SLC28A2: variants seen among roughly 807,000 people sequenced by gnomAD.
The protein encoded by SLC28A2 is sodium/nucleoside cotransporter 2.
Under a neutral mutation model 72.9 loss-of-function variants are expected in SLC28A2, and 69 were observed. The ratio of observed to expected loss-of-function variants is 0.95; its 90% CI spans 0.78 to 1.16. The LOEUF (loss-of-function observed/expected upper bound fraction) is 1.16, where lower values mean the gene tolerates loss of function less well. Ranked by LOEUF, SLC28A2 falls within the 50% of genes most tolerant of loss-of-function variation. SLC28A2 has a pLI of 0.00. For missense variants in SLC28A2, 745 were observed against 791.1 expected (o/e 0.94, Z 0.70); for synonymous variants, 296 against 294.1 (o/e 1.01, Z -0.07).
chr15:45,253,351 T>G, intron 2 of SLC28A2, 55 bp downstream of exon 2: 1 of 1,555,802 alleles, frequency 6.4e-7, no homozygotes. Flanking sequence ...CATGGGCTCC[T>G]GTAGGGTATT....
chr15:45,252,522 T>C (rs1264775263), intron 1 of SLC28A2, among the ~76,000 whole-genome samples: 1 of 152,268 alleles, frequency 6.6e-6, no homozygotes, highest in African/African-American at 2.4e-5. Context: ...AATGAACTTA[T>C]ATTCTAATTG....
Position 45,253,501 on chromosome 15 carries a change from G to C in SLC28A2, c.151G>C (p.Gly51Arg), listed in dbSNP as rs751139417. The C allele has an allele frequency of 3.7e-6, 6 of 1,612,550 alleles. No homozygotes were observed. Among genetic ancestry groups the C allele is most frequent in the Non-Finnish European group, 5.1e-6 (6 of 1,179,014 alleles). The change falls in exon 3 of 18, where the codon GGC (glycine) becomes CGC (arginine). Residue 51 changes from glycine (G) to arginine (R), a missense_variant. By Grantham distance (125) the Gly-to-Arg change is moderately radical. Coordinates refer to ENST00000347644, the MANE Select transcript of SLC28A2 (RefSeq NM_004212.4). ...AGGACACAGCCTGGGGGATGGACTG[G>C]GCCCTTCCACTTACCAGAGGTACTG... is the stretch of plus-strand genomic sequence containing the variant. ...AQGHSLGDGLGPSTYQRRSRW... is the reference protein window; with the variant it reads ...AQGHSLGDGLRPSTYQRRSRW...
intron 3 of SLC28A2, among the ~76,000 whole-genome samples, chr15:45,257,971 C>T (rs1900023308): frequency 6.6e-6 from 1 of 152,186 alleles, no homozygotes; most frequent in Admixed American, 6.5e-5. Flanking sequence ...TGCCTGTAAT[C>T]CCAGCATTTT....
intron 12 of SLC28A2, 122 bp from the exon 13 acceptor site, chr15:45,268,088 G>A: frequency 1.1e-6 from 1 of 923,710 alleles, no homozygotes; most frequent in Non-Finnish European, 1.6e-6. Flanking sequence ...AGGAACCCCT[G>A]TCACCTTCTA....
chr15:45,275,370 T>C (rs17222078), intron 17 of SLC28A2, 26 bp from the exon 18 acceptor site: 84,741 of 1,356,238 alleles, frequency 0.062, 3,259 homozygotes, highest in Non-Finnish European at 0.078. Flanking sequence ...TGACCCCTTA[T>C]GTACCTCTCT....
Position 45,266,128 on chromosome 15 carries a change from CCTGG to C in SLC28A2, c.913_916del (p.Ala305TrpfsTer9). The C allele has an allele frequency of 6.2e-7, 1 of 1,613,766 alleles. No homozygotes were observed. Among genetic ancestry groups the C allele is most frequent in the South Asian group, 1.1e-5 (1 of 91,064 alleles). On this transcript the variant is annotated frameshift_variant, in exon 10 of 18. Transcript: ENST00000347644. LOFTEE classifies it high-confidence loss of function. Reference sequence around the variant, plus strand: ...CTATGGGCACCACTGCTACAGAGACCCTGGCTGTGGCAGGAAACATCTTTGTGGG... The same window carrying C: ...CTATGGGCACCACTGCTACAGAGACCCTGTGGCAGGAAACATCTTTGTGGG...
At chr15:45,269,030 G>T (rs1389379545) in intron 13 of SLC28A2, among the ~76,000 whole-genome samples, 1 of 109,482 alleles carries the variant, frequency 9.1e-6, no homozygotes, top group Non-Finnish European at 1.8e-5. Context: ...GGTGGGGGGA[G>T]GGGGGAGGGA....
Position 45,272,713 on chromosome 15 carries a change from C to T in SLC28A2, c.1788C>T (p.Val596=), listed in dbSNP as rs749961857. 1 of 1,612,648 alleles carries T rather than the reference C, an allele frequency of 6.2e-7. No individual in the cohort carries two copies. Among genetic ancestry groups the T allele is most frequent in the Non-Finnish European group, 8.5e-7 (1 of 1,178,680 alleles). The change falls in exon 17 of 18, where the codon GTC becomes GTT. Residue 596 remains valine, a synonymous_variant. Coordinates refer to ENST00000347644, the MANE Select transcript of SLC28A2 (RefSeq NM_004212.4). ...CCAGGGGAGCTGAAGCTGACTGTGT[C>T]TCCTTCCCAAACACAAGTTTCACCA... The part of the protein sequence containing the change: ...YVPRGAEADC[V]SFPNTSFTNR...
intron 3 of SLC28A2, among the ~76,000 whole-genome samples, chr15:45,258,469 A>G (rs1300853788): frequency 6.6e-6 from 1 of 152,162 alleles, no homozygotes; most frequent in African/African-American, 2.4e-5. Context: ...TGTACCCAAG[A>G]ACCATTTTAT....
chr15:45,268,812 A>G lies in SLC28A2; in HGVS notation c.1368+434A>G, dbSNP rs1651254664. On this transcript the variant is annotated intron_variant, in intron 13 of 17. Coordinates refer to ENST00000347644, the MANE Select transcript of SLC28A2 (RefSeq NM_004212.4). The stretch of plus-strand genomic sequence containing the variant: ...ACTGGATTAAGAAAATGTGGCATAT[A>G]TACACCATGGAATACTATGCAGCCA... Among the ~76,000 whole-genome samples the G allele has an allele frequency of 4.6e-5, 7 of 152,268 alleles. No homozygotes were observed. The South Asian group carries it at 1.5e-3, about 32-fold the overall frequency.
At chr15:45,252,688 C>A (rs1463680315) in intron 1 of SLC28A2, among the ~76,000 whole-genome samples, 2 of 152,128 alleles carry the variant, frequency 1.3e-5, no homozygotes, top group Non-Finnish European at 2.9e-5. Flanking sequence ...CATAAAAAAC[C>A]AATTCTTATG....
At position 45,265,115 on chromosome 15, in the gene SLC28A2, C is replaced by T; in HGVS notation, c.729C>T (p.Gly243=). The stretch of plus-strand genomic sequence containing the variant: ...TTTTCCTGAACTACACTGTGGCCGG[C>T]TCCAGTTTTGTCTTTGGGGATACAC... ...VQIFLNYTVA[G]SSFVFGDTLV... is the part of the protein sequence containing the mutation. The change falls in exon 8 of 18, where the codon GGC becomes GGT. Residue 243 remains glycine (G), a synonymous_variant. Transcript: ENST00000347644. The T allele has an allele frequency of 6.2e-7, 1 of 1,613,066 alleles. No homozygotes were observed. The highest frequency in any genetic ancestry group is 8.5e-7 in the Non-Finnish European group (1 of 1,179,098).
In SLC28A2 at chr15:45,262,113, T is replaced by A. The variant is rs1900180678; in HGVS notation, c.262+7T>A. ...TTGGGCCTGTTGTGTTTGGGTGAGA[T>A]ATTGAGAATTCATGAAAGTGAGAAA... On this transcript the variant is annotated splice_region_variant and intron_variant, in intron 4 of 17. Coordinates refer to ENST00000347644, the MANE Select transcript of SLC28A2 (RefSeq NM_004212.4). 2 of 1,574,686 alleles carry A rather than the reference T, an allele frequency of 1.3e-6. No homozygotes were observed. The highest frequency in any genetic ancestry group is 1.7e-6 in the Non-Finnish European group (2 of 1,144,550).
chr15:45,273,768 T>G (rs916211656), intron 17 of SLC28A2, among the ~76,000 whole-genome samples: 1 of 151,992 alleles, frequency 6.6e-6, no homozygotes, highest in African/African-American at 2.4e-5. Flanking sequence ...ATCAATAGGA[T>G]TGATCATTGG....
intron 15 of SLC28A2, chr15:45,271,916 T>C (rs1900584758): frequency 5.4e-6 from 1 of 184,476 alleles, no homozygotes; most frequent in Non-Finnish European, 1.1e-5. Flanking sequence ...GCCCTCTGTC[T>C]CAAAATAGTC....
At position 45,262,066 on chromosome 15, in the gene SLC28A2, C is replaced by T. The variant is rs568404534; in HGVS notation, c.222C>T (p.Ala74=). The T allele has an allele frequency of 4.0e-5, 65 of 1,613,518 alleles. 1 individual carries two copies. In the South Asian group the frequency reaches 6.7e-4, roughly 17 times the overall value. The change falls in exon 4 of 18, where the codon GCC becomes GCT. Residue 74 remains alanine (A), a synonymous_variant. Coordinates refer to ENST00000347644, the MANE Select transcript of SLC28A2 (RefSeq NM_004212.4). Reference sequence around the variant, plus strand: ...CAAGAAGTTTCTGCAAAACACACGCCAGCTTGTTCAAGAAGATCCTGTTGG... The same window carrying T: ...CAAGAAGTTTCTGCAAAACACACGCTAGCTTGTTCAAGAAGATCCTGTTGG... ...SKARSFCKTH[A]SLFKKILLGL... is the part of the protein sequence containing the mutation.
chr15:45,259,510 C>T (rs985157797), intron 3 of SLC28A2, among the ~76,000 whole-genome samples: 4 of 152,016 alleles, frequency 2.6e-5, no homozygotes, highest in African/African-American at 9.7e-5. Flanking sequence ...AAATTAATAC[C>T]CTGAATGATG....
At position 45,267,724 on chromosome 15, in the gene SLC28A2, C is replaced by T. The variant is rs2140575239; in HGVS notation, c.1127C>T (p.Ser376Leu). 2.5e-6 allele frequency: 4 copies of T among 1,614,088 alleles called. No homozygotes were observed. Among genetic ancestry groups the T allele is most frequent in the African/African-American group, 2.7e-5 (2 of 75,016 alleles). Residue 376 changes from serine to leucine, a missense_variant, in exon 12 of 18, where the codon TCA becomes TTA. Physicochemically the swap from Ser to Leu is moderately radical, Grantham distance 145. Coordinates refer to ENST00000347644, the MANE Select transcript of SLC28A2 (RefSeq NM_004212.4). ...ATGGCCGCCCCTTGTGCTCTCGCCT[C>T]ATCAAAGCTAGCGTATCCGGAAGTG... The part of the protein sequence containing the change: ...SVMAAPCALA[S>L]SKLAYPEVEE...
At position 45,267,585 on chromosome 15, in the gene SLC28A2, G is replaced by A; in HGVS notation, c.1068+5G>A. 3 of 1,614,118 alleles carry A rather than the reference G, an allele frequency of 1.9e-6. No homozygotes were observed. Among genetic ancestry groups the A allele is most frequent in the Non-Finnish European group, 2.5e-6 (3 of 1,180,012 alleles). ...GGAGCCTTCATAGCCTTTGGGGTAGGCATAGTCTGCTTGATCACTCCTGGG... is the reference window on the plus strand; with the variant it reads ...GGAGCCTTCATAGCCTTTGGGGTAGACATAGTCTGCTTGATCACTCCTGGG... On this transcript the variant is annotated splice_donor_5th_base_variant and intron_variant, in intron 11 of 17. Transcript: ENST00000347644.
Sources: allele counts gnomAD v4.1 joint callset (sites outside exome capture counted in the v4.1 genomes callset), GRCh38; gene constraint gnomAD v4.1.1; transcripts MANE v1.5; gene names NCBI Gene and HGNC (gene_info 2026-07-23, HGNC 2026-07-21).